Variants in FHOD3 observed in about 807,000 individuals in gnomAD.
FHOD3 encodes the protein formin homology 2 domain containing 3.
Under a neutral mutation model 173.0 loss-of-function variants are expected in FHOD3, and 90 were observed. The observed-to-expected ratio is 0.52, with a 90% confidence interval of 0.44 to 0.62. The LOEUF (loss-of-function observed/expected upper bound fraction) is 0.62. FHOD3 is among the 20% of genes least tolerant of loss of function. FHOD3 has a pLI of 0.00. For synonymous variants in FHOD3, 828 were observed against 823.0 expected (o/e 1.01, Z -0.10); for missense variants, 1,945 against 2,034.7 (o/e 0.96, Z 0.85).
At chr18:36,378,503 C>T (rs1447696266) in intron 3 of FHOD3, among the ~76,000 whole-genome samples, 1 of 150,712 alleles carries the variant, frequency 6.6e-6, no homozygotes, top group Non-Finnish European at 1.5e-5. Flanking sequence ...TCAGCCTCTG[C>T]ACTCTGTGTG....
chr18:36,589,671 T>C (rs1359407662), intron 6 of FHOD3, among the ~76,000 whole-genome samples: 1 of 152,190 alleles, frequency 6.6e-6, no homozygotes, highest in Non-Finnish European at 1.5e-5. Flanking sequence ...CTGAACTCCT[T>C]CTGCAAAGGC....
chr18:36,584,310 C>T (rs768851974), intron 6 of FHOD3, among the ~76,000 whole-genome samples: 5 of 152,134 alleles, frequency 3.3e-5, no homozygotes, highest in Non-Finnish European at 7.3e-5. Context: ...AAAGTTATGG[C>T]GTGAAAGATT....
chr18:36,313,395 G>A (rs1021719379), intron 1 of FHOD3, among the ~76,000 whole-genome samples: 6 of 152,170 alleles, frequency 3.9e-5, no homozygotes, highest in Admixed American at 3.9e-4. Flanking sequence ...ACAGGACACA[G>A]AACAATTCCA....
chr18:36,427,598 G>A (rs2050318763), intron 3 of FHOD3, among the ~76,000 whole-genome samples: 1 of 152,186 alleles, frequency 6.6e-6, no homozygotes, highest in African/African-American at 2.4e-5. Flanking sequence ...ATCTTTATCA[G>A]TTTCACTCTT....
chr18:36,602,958 G>A (rs998005297), intron 8 of FHOD3, among the ~76,000 whole-genome samples, 190 bp downstream of exon 8: 4 of 152,154 alleles, frequency 2.6e-5, no homozygotes, highest in African/African-American at 7.2e-5. Flanking sequence ...GAGGGAAGAC[G>A]ATGTGAACAT....
At chr18:36,479,696 C>T (rs1032761840) in intron 3 of FHOD3, among the ~76,000 whole-genome samples, 5 of 151,912 alleles carry the variant, frequency 3.3e-5, no homozygotes, top group South Asian at 2.1e-4. Flanking sequence ...GACTATATAG[C>T]GTGAATATAT....
intron 3 of FHOD3, among the ~76,000 whole-genome samples, chr18:36,421,624 T>G (rs181768267): frequency 3.3e-5 from 5 of 152,318 alleles, no homozygotes; most frequent in Admixed American, 3.3e-4. Context: ...TGTATAAAGG[T>G]AGCTCTGGGT....
intron 10 of FHOD3, among the ~76,000 whole-genome samples, chr18:36,638,004 A>T (rs1310389910): frequency 4.6e-5 from 7 of 151,876 alleles, no homozygotes; most frequent in South Asian, 4.2e-4. Flanking sequence ...GTTTTTTTTA[A>T]AATCTAGATG....
intron 13 of FHOD3, among the ~76,000 whole-genome samples, chr18:36,655,685 G>A (rs558284516): frequency 6.6e-6 from 1 of 152,142 alleles, no homozygotes; most frequent in Admixed American, 6.5e-5. Context: ...GTGGTTGACT[G>A]CGATTGAATG....
rs369527277 is a variant in FHOD3, at chr18:36,730,107, G to T, written c.3418-539G>T. Among the ~76,000 whole-genome samples, 11 of 152,294 alleles carry T rather than the reference G, an allele frequency of 7.2e-5. No homozygotes were observed. In the South Asian group the frequency reaches 2.3e-3, roughly 32 times the overall value. On this transcript the variant is annotated intron_variant, in intron 19 of 28. Coordinates refer to ENST00000590592, the MANE Select transcript of FHOD3 (RefSeq NM_001281740.3). ...GCACAGGAAAGGTGGAGGTGCTCTG[G>T]TATAAGGGGCATGGAATGTTTGAAT...
intron 3 of FHOD3, among the ~76,000 whole-genome samples, chr18:36,401,146 A>G (rs1467032126): frequency 6.6e-6 from 1 of 152,092 alleles, no homozygotes; most frequent in African/African-American, 2.4e-5. Flanking sequence ...GATTCATGTG[A>G]TGAAATCCAA....
chr18:36,537,906 A>G (rs1439987826), intron 5 of FHOD3, among the ~76,000 whole-genome samples: 1 of 152,310 alleles, frequency 6.6e-6, no homozygotes, highest in African/African-American at 2.4e-5. Flanking sequence ...TAAAGGGCCC[A>G]TGGAATATAT....
At chr18:36,471,564 G>GGTCT (rs1027959309) in intron 3 of FHOD3, among the ~76,000 whole-genome samples, 7 of 152,100 alleles carry the variant, frequency 4.6e-5, no homozygotes, top group Non-Finnish European at 1.0e-4. Flanking sequence ...TCAGAACAAT[G>GGTCT]GTCTATTCAG....
chr18:36,592,223 A>T (rs570920049), intron 6 of FHOD3, among the ~76,000 whole-genome samples: 4 of 152,212 alleles, frequency 2.6e-5, no homozygotes, highest in Admixed American at 6.5e-5. Context: ...CATCTCAAAA[A>T]AAATAAATAA....
intron 18 of FHOD3, among the ~76,000 whole-genome samples, chr18:36,717,247 G>C (rs115956383): frequency 6.6e-6 from 1 of 152,098 alleles, no homozygotes; most frequent in Non-Finnish European, 1.5e-5. Flanking sequence ...GAGAAGAGAG[G>C]GCTATGGAAA....
chr18:36,346,910 T>C (rs1353298799), intron 1 of FHOD3, among the ~76,000 whole-genome samples: 1 of 152,168 alleles, frequency 6.6e-6, no homozygotes, highest in Non-Finnish European at 1.5e-5. Context: ...TTGCATCCAC[T>C]GTGCTTCAGT....
At chr18:36,454,127 C>T (rs2052025025) in intron 3 of FHOD3, among the ~76,000 whole-genome samples, 1 of 152,116 alleles carries the variant, frequency 6.6e-6, no homozygotes, top group African/African-American at 2.4e-5. Flanking sequence ...CTGAGATAAG[C>T]AGGCAGCTCT....
At position 36,612,033 on chromosome 18, in the gene FHOD3, C is replaced by T; in HGVS notation, c.895C>T (p.Gln299Ter). 6.2e-7 allele frequency: 1 copy of T among 1,614,146 alleles called. No individual in the cohort carries two copies. Among genetic ancestry groups the T allele is most frequent in the Non-Finnish European group, 8.5e-7 (1 of 1,180,022 alleles). The part of the protein sequence containing the change: ...LEELGIAAVS[Q>*]RHLNKKGTDL... ...GGAGCTGGGCATTGCTGCTGTGTCC[C>T]AGAGGCACTTGAACAAGAAAGGGAC... Residue 299 changes from glutamine (Q) to a stop codon, truncating the protein, a stop_gained, in exon 9 of 29, where the codon CAG (glutamine) becomes TAG (stop). Coordinates refer to ENST00000590592, the MANE Select transcript of FHOD3 (RefSeq NM_001281740.3). LOFTEE classifies it high-confidence loss of function.
At chr18:36,405,832 A>G (rs2049029666) in intron 3 of FHOD3, among the ~76,000 whole-genome samples, 1 of 152,218 alleles carries the variant, frequency 6.6e-6, no homozygotes, top group African/African-American at 2.4e-5. Context: ...GAATTGCATA[A>G]TAATTATTTT....
Sources: allele counts gnomAD v4.1 joint callset (sites outside exome capture counted in the v4.1 genomes callset), GRCh38; gene constraint gnomAD v4.1.1; transcripts MANE v1.5; gene names NCBI Gene and HGNC (gene_info 2026-07-23, HGNC 2026-07-21).